FBXL17: variants seen among roughly 807,000 people sequenced by gnomAD.
FBXL17 encodes F-box and leucine rich repeat protein 17.
FBXL17 carries 22 observed loss-of-function variants against 66.2 expected under a neutral mutation model. The observed-to-expected ratio is 0.33, with a 90% CI of 0.24 to 0.47. The LOEUF is 0.47. FBXL17 is among the 20% of genes least tolerant of loss of function. The pLI is 1.00. For missense variants in FBXL17, 878 were observed against 948.2 expected, an observed-to-expected ratio of 0.93 and a Z score of 0.97; for synonymous variants, 474 against 400.5, an observed-to-expected ratio of 1.18 and a Z score of -2.19.
At chr5:107,980,665 T>TATATATATGTGTATATATATATATATATA (rs1363335386) in intron 7 of FBXL17, among the ~76,000 whole-genome samples, 1 of 79,178 alleles carries the variant, frequency 1.3e-5, no homozygotes, top group Admixed American at 1.2e-4. Context: ...TATATATATA[T>TATATATATGTGTATATATATATATATATA]TTTTTTTTTG....
chr5:107,960,170 C>T (rs1002378038), intron 7 of FBXL17, among the ~76,000 whole-genome samples: 8 of 152,248 alleles, frequency 5.3e-5, no homozygotes, highest in South Asian at 2.1e-4. Flanking sequence ...CATTTATCCA[C>T]GGTTCTAGGA....
At chr5:108,139,191 C>T (rs1419214092) in intron 6 of FBXL17, among the ~76,000 whole-genome samples, 1 of 152,108 alleles carries the variant, frequency 6.6e-6, no homozygotes, top group East Asian at 1.9e-4. Flanking sequence ...GGGGAAAGGG[C>T]AAGGCATGGA....
At chr5:108,230,475 A>C (rs945592342) in intron 4 of FBXL17, among the ~76,000 whole-genome samples, 12 of 152,204 alleles carry the variant, frequency 7.9e-5, no homozygotes, top group African/African-American at 2.9e-4. Flanking sequence ...CAGGAATGGA[A>C]AAACAAACAT....
intron 1 of FBXL17, among the ~76,000 whole-genome samples, chr5:108,373,375 T>TA (rs1749194915): frequency 4.2e-5 from 6 of 142,210 alleles, no homozygotes; most frequent in Non-Finnish European, 6.1e-5. Flanking sequence ...AATATAAATA[T>TA]ATATCTAAAT....
intron 4 of FBXL17, among the ~76,000 whole-genome samples, chr5:108,278,713 A>G (rs1336765710): frequency 2.0e-5 from 3 of 152,200 alleles, no homozygotes; most frequent in Non-Finnish European, 4.4e-5. Flanking sequence ...CTTGGCCACT[A>G]GGTTTGACCC....
chr5:108,369,446 C>A (rs1364770970), intron 1 of FBXL17, among the ~76,000 whole-genome samples: 1 of 152,146 alleles, frequency 6.6e-6, no homozygotes, highest in Non-Finnish European at 1.5e-5. Context: ...GGCCACTTAT[C>A]ACTCATATGT....
intron 7 of FBXL17, among the ~76,000 whole-genome samples, chr5:107,969,726 C>T (rs1376309698): frequency 2.0e-5 from 3 of 152,080 alleles, no homozygotes; most frequent in East Asian, 3.9e-4. Context: ...TCAAGAACTA[C>T]GGCTGCAATT....
chr5:108,109,922 C>G (rs1749965504), intron 6 of FBXL17, among the ~76,000 whole-genome samples: 2 of 152,164 alleles, frequency 1.3e-5, no homozygotes, highest in African/African-American at 4.8e-5. Context: ...AGGGAGAGAA[C>G]ACTTCCATTC....
At chr5:108,295,640 A>AAC (rs1228699607) in intron 4 of FBXL17, among the ~76,000 whole-genome samples, 2 of 151,866 alleles carry the variant, frequency 1.3e-5, no homozygotes, top group African/African-American at 4.8e-5. Context: ...CACAACTATC[A>AAC]ACACACACAC....
At chr5:108,208,927 T>C (rs1233150589) in intron 5 of FBXL17, among the ~76,000 whole-genome samples, 1 of 152,236 alleles carries the variant, frequency 6.6e-6, no homozygotes, top group African/African-American at 2.4e-5. Flanking sequence ...ATGATATTGA[T>C]TCTTCCTATC....
intron 7 of FBXL17, among the ~76,000 whole-genome samples, chr5:107,952,715 A>T (rs1751535749): frequency 6.6e-6 from 1 of 152,230 alleles, no homozygotes; most frequent in East Asian, 1.9e-4. Context: ...AGGCTAGCTG[A>T]ACTATTCAAA....
chr5:108,282,196 CA>C (rs1203393518), intron 4 of FBXL17, among the ~76,000 whole-genome samples: 1 of 151,572 alleles, frequency 6.6e-6, no homozygotes, highest in Non-Finnish European at 1.5e-5. Flanking sequence ...ATCCTGATAC[CA>C]AAAATGAAAG....
chr5:107,942,887 T>C (rs1264722105), intron 7 of FBXL17, among the ~76,000 whole-genome samples: 2 of 152,186 alleles, frequency 1.3e-5, no homozygotes, highest in Admixed American at 6.5e-5. Context: ...TTTTGGCAAC[T>C]GCTTCATCAT....
At chr5:108,111,546 A>T (rs1390666708) in intron 6 of FBXL17, among the ~76,000 whole-genome samples, 1 of 152,226 alleles carries the variant, frequency 6.6e-6, no homozygotes, top group Non-Finnish European at 1.5e-5. Flanking sequence ...CTACACTATC[A>T]TTCATTCTTA....
At chr5:107,935,067 TG>T (rs1224373608) in intron 7 of FBXL17, among the ~76,000 whole-genome samples, 1 of 151,534 alleles carries the variant, frequency 6.6e-6, no homozygotes, top group Non-Finnish European at 1.5e-5. Flanking sequence ...TGGTATCTTT[TG>T]TTTTTTTTTT....
At chr5:108,184,191 C>T (rs948309825) in intron 6 of FBXL17, among the ~76,000 whole-genome samples, 10 of 152,118 alleles carry the variant, frequency 6.6e-5, no homozygotes, top group South Asian at 6.2e-4. Context: ...GAGATCGAGG[C>T]GGCGGGGCGG....
rs1020809205 is a variant in FBXL17, at chr5:108,381,857, G to A, written c.-166C>T. On this transcript the variant is annotated 5_prime_UTR_variant, in exon 1 of 9. The change creates a new upstream start codon in the 5' untranslated region. Coordinates refer to ENST00000542267, the MANE Select transcript of FBXL17 (RefSeq NM_001163315.3). ...ACACACGCGACGGTGGGGGGTGGGC[G>A]TCAGCTGCGGGCCGCCGGAGTGCCC... 5 of 1,294,666 alleles carry A rather than the reference G, an allele frequency of 3.9e-6. No individual in the cohort carries two copies. The African/African-American group carries it at 6.2e-5, about 16-fold the overall frequency. The allele number at this position is 1,294,666 out of a possible 1,614,324, so 80.2% of individuals were successfully genotyped here.
At chr5:108,042,207 C>A (rs1261494138) in intron 6 of FBXL17, among the ~76,000 whole-genome samples, 2 of 152,190 alleles carry the variant, frequency 1.3e-5, no homozygotes, top group Admixed American at 6.5e-5. Flanking sequence ...AGTTTTTTAT[C>A]AAACTTTTTA....
intron 4 of FBXL17, among the ~76,000 whole-genome samples, chr5:108,245,385 AAAAC>A (rs1756047826): frequency 6.6e-6 from 1 of 152,192 alleles, no homozygotes; most frequent in Non-Finnish European, 1.5e-5. Flanking sequence ...TTGTTAAAAA[AAAAC>A]AAACACCCTG....
Sources: gnomAD v4.1 joint callset for allele counts (sites outside exome capture counted in the v4.1 genomes callset) on GRCh38, gnomAD v4.1.1 for gene constraint, MANE v1.5 for transcripts, NCBI Gene and HGNC (gene_info 2026-07-23, HGNC 2026-07-21) for gene names.